The following IL1RAPL2 variants were observed in gnomAD, a reference collection of about 807,000 sequenced individuals.
The protein encoded by IL1RAPL2 is interleukin 1 receptor accessory protein like 2.
A neutral mutation model predicts 44.1 loss-of-function variants in IL1RAPL2; 3 were observed. The observed-to-expected ratio is 0.07, with a 90% CI of 0.03 to 0.18. The LOEUF (loss-of-function observed/expected upper bound fraction) is 0.18. Among genes scored for constraint, IL1RAPL2 ranks in the 10% least tolerant of loss-of-function variants. The pLI is 1.00. For synonymous variants in IL1RAPL2, 181 were observed against 178.8 expected (o/e 1.01, Z -0.10); for missense variants, 391 against 496.4 (o/e 0.79, Z 2.02).
At chrX:105,255,303 A>C (rs938620577) in intron 4 of IL1RAPL2, among the ~76,000 whole-genome samples, 2 of 111,351 alleles carry the variant, frequency 1.8e-5, no homozygotes, top group Admixed American at 9.5e-5. Context: ...TTTTGTGACA[A>C]TTGTTAATGG....
chrX:105,085,370 A>C (rs1407470192), intron 2 of IL1RAPL2, among the ~76,000 whole-genome samples: 1 of 112,346 alleles, frequency 8.9e-6, no homozygotes, highest in Non-Finnish European at 1.9e-5. Flanking sequence ...AAGGACTTGA[A>C]TAGACATTTC....
chrX:104,958,875 C>G (rs1487603520), intron 2 of IL1RAPL2, among the ~76,000 whole-genome samples: 2 of 109,868 alleles, frequency 1.8e-5, no homozygotes, highest in Non-Finnish European at 3.8e-5. Flanking sequence ...CCCATTTTAC[C>G]TAGACATACT....
At chrX:105,155,868 C>G (rs189089198) in intron 2 of IL1RAPL2, among the ~76,000 whole-genome samples, 1 of 111,274 alleles carries the variant, frequency 9.0e-6, no homozygotes, top group Non-Finnish European at 1.9e-5. Context: ...GAATATGTAT[C>G]AAAATGTTCC....
chrX:104,709,149 C>T (rs1279237796), intron 2 of IL1RAPL2, among the ~76,000 whole-genome samples: 3 of 109,775 alleles, frequency 2.7e-5, no homozygotes, highest in African/African-American at 9.9e-5. Context: ...CATAGGTAAG[C>T]TACCTGTCAC....
chrX:105,032,178 C>A (rs2031514571), intron 2 of IL1RAPL2, among the ~76,000 whole-genome samples: 1 of 110,582 alleles, frequency 9.0e-6, no homozygotes, highest in Non-Finnish European at 1.9e-5. Flanking sequence ...AAAAAACCAG[C>A]CCCTGGATTC....
intron 6 of IL1RAPL2, among the ~76,000 whole-genome samples, chrX:105,683,200 A>C (rs1226507647): frequency 2.7e-5 from 3 of 111,961 alleles, no homozygotes; most frequent in Non-Finnish European, 5.6e-5. Context: ...AACCTTTCTT[A>C]TAGTAGGTGA....
chrX:105,519,011 T>C (rs754705930), intron 6 of IL1RAPL2, among the ~76,000 whole-genome samples: 8 of 111,550 alleles, frequency 7.2e-5, no homozygotes, highest in African/African-American at 2.6e-4. Flanking sequence ...TCTTATACTA[T>C]CATTTATAGG....
chrX:105,299,354 C>A (rs1882601821), intron 5 of IL1RAPL2, among the ~76,000 whole-genome samples: 1 of 110,896 alleles, frequency 9.0e-6, no homozygotes, highest in South Asian at 3.9e-4. Flanking sequence ...ATCATAGGGT[C>A]ACTGAATGGG....
Position 105,235,746 on chromosome X carries a change from A to G in IL1RAPL2, c.543+1742A>G, listed in dbSNP as rs1197058753. ...CCTCATTTGTATTTATTAAGCACTTATTGTGTGCCATTCATTGTAGCTAAA... is the reference window on the plus strand; with the variant it reads ...CCTCATTTGTATTTATTAAGCACTTGTTGTGTGCCATTCATTGTAGCTAAA... On this transcript the variant is annotated intron_variant, in intron 4 of 10. Transcript: ENST00000372582. Among the ~76,000 whole-genome samples the G allele has an allele frequency of 2.7e-5, 3 of 112,396 alleles. No homozygotes were observed. In the East Asian group the frequency reaches 8.4e-4, roughly 32 times the overall value.
At chrX:105,578,240 G>A (rs1034545839) in intron 6 of IL1RAPL2, among the ~76,000 whole-genome samples, 1 of 110,869 alleles carries the variant, frequency 9.0e-6, no homozygotes, top group Non-Finnish European at 1.9e-5. Flanking sequence ...TAAATATACA[G>A]TATTGTCTCA....
intron 2 of IL1RAPL2, among the ~76,000 whole-genome samples, chrX:104,808,842 T>C (rs979509459): frequency 9.0e-6 from 1 of 111,657 alleles, no homozygotes; most frequent in Non-Finnish European, 1.9e-5. Flanking sequence ...TGCGAAGCAA[T>C]CTTTGGAAAA....
intron 2 of IL1RAPL2, among the ~76,000 whole-genome samples, chrX:105,161,500 A>C (rs921558031): frequency 1.8e-5 from 2 of 109,880 alleles, no homozygotes; most frequent in African/African-American, 3.3e-5. Flanking sequence ...AATTACTCAG[A>C]GGCTGTGTAC....
intron 1 of IL1RAPL2, among the ~76,000 whole-genome samples, chrX:104,630,542 C>A (rs1929619679): frequency 9.1e-6 from 1 of 110,010 alleles, no homozygotes; most frequent in African/African-American, 3.3e-5. Context: ...AGGCAATCCA[C>A]CTGCCTTGGC....
At chrX:104,622,242 G>T (rs1929414039) in intron 1 of IL1RAPL2, among the ~76,000 whole-genome samples, 1 of 110,193 alleles carries the variant, frequency 9.1e-6, no homozygotes, top group Middle Eastern at 4.7e-3. Context: ...GTCTCTTATG[G>T]CAGGTGTACT....
At chrX:105,241,419 T>C (rs1359127258) in intron 4 of IL1RAPL2, among the ~76,000 whole-genome samples, 1 of 111,787 alleles carries the variant, frequency 8.9e-6, no homozygotes, top group African/African-American at 3.3e-5. Flanking sequence ...CTCCTGTAGT[T>C]TATTCAAAAG....
intron 2 of IL1RAPL2, among the ~76,000 whole-genome samples, chrX:104,770,291 A>G (rs1932621064): frequency 9.0e-6 from 1 of 111,483 alleles, no homozygotes; most frequent in Non-Finnish European, 1.9e-5. Flanking sequence ...GATTCTGTGT[A>G]CAGGTTGCTA....
chrX:105,224,731 A>T (rs2033998455), intron 3 of IL1RAPL2, among the ~76,000 whole-genome samples: 1 of 112,195 alleles, frequency 8.9e-6, no homozygotes, highest in African/African-American at 3.2e-5. Flanking sequence ...ACATATTGAC[A>T]GATGCAAAAA....
chrX:104,733,604 C>A (rs191558757), intron 2 of IL1RAPL2, among the ~76,000 whole-genome samples: 1 of 95,059 alleles, frequency 1.1e-5, no homozygotes, highest in South Asian at 4.6e-4. Context: ...TGAGTGACAG[C>A]GAGACTCTGT....
At chrX:105,522,010 C>T (rs1761359140) in intron 6 of IL1RAPL2, among the ~76,000 whole-genome samples, 1 of 112,006 alleles carries the variant, frequency 8.9e-6, no homozygotes, top group African/African-American at 3.2e-5. Flanking sequence ...CTCTCAATAA[C>T]TCTGTCACTT....
Sources: allele counts gnomAD v4.1 joint callset (sites outside exome capture counted in the v4.1 genomes callset), GRCh38; gene constraint gnomAD v4.1.1; transcripts MANE v1.5; gene names NCBI Gene and HGNC (gene_info 2026-07-23, HGNC 2026-07-21).